Variants in TMEM204 observed in about 807,000 individuals in gnomAD.
TMEM204 encodes claudin-like protein 24.
A neutral mutation model predicts 19.4 loss-of-function variants in TMEM204; 15 were observed. The ratio of observed to expected loss-of-function variants is 0.77; its 90% CI spans 0.52 to 1.19. The LOEUF (loss-of-function observed/expected upper bound fraction) is 1.19. Ranked by LOEUF, TMEM204 falls within the 50% of genes most tolerant of loss-of-function variation. The probability of loss-of-function intolerance (pLI) is 0.00; values close to 1 mark genes in which losing one functional copy is unlikely to be tolerated. For synonymous variants in TMEM204, 161 were observed against 146.0 expected (o/e 1.10, Z -0.74); for missense variants, 287 against 321.2 (o/e 0.89, Z 0.81).
At chr16:1,541,322 C>T (rs2031613809) in intron 1 of TMEM204, 3 of 985,330 alleles carry the variant, frequency 3.0e-6, no homozygotes, top group Non-Finnish European at 3.6e-6. Context: ...CCATGTCTGA[C>T]CCCTGCTCAG....
In TMEM204 at chr16:1,543,118, G is replaced by A. The variant is rs571903172; in HGVS notation, c.436+1042G>A. ...ACTGGGACAGGTCAGCCCGGTGCCC[G>A]CAGAGACAGGGACACAGAGAAAGCG... On this transcript the variant is annotated intron_variant, in intron 2 of 2. Coordinates refer to ENST00000566264, the MANE Select transcript of TMEM204 (RefSeq NM_024600.6). 2.0e-5 allele frequency among the ~76,000 whole-genome samples: 3 copies of A among 152,352 alleles called. No individual in the cohort carries two copies. In the East Asian group the frequency reaches 5.8e-4, roughly 29 times the overall value.
At chr16:1,541,239 G>C in intron 1 of TMEM204, 1 of 985,464 alleles carries the variant, frequency 1.0e-6, no homozygotes, top group Non-Finnish European at 1.2e-6. Context: ...GCCACTGAGT[G>C]AAAGATTTGT....
rs2032590531 is a variant in TMEM204 at position 1,551,012 on chromosome 16, G to A, written c.437-3770G>A. ...CAGGGTAGCGGCATCTACGTGATCT[G>A]GCCAAAGGGCTCTGTCCCTTTGAGG... is the stretch of plus-strand genomic sequence containing the variant. On this transcript the variant is annotated intron_variant, in intron 2 of 2. Coordinates refer to ENST00000566264, the MANE Select transcript of TMEM204 (RefSeq NM_024600.6). This position sits in a 1 kb window ranked among gnomAD's most constrained non-coding sequence, Gnocchi z 4.0. Among the ~76,000 whole-genome samples the A allele has an allele frequency of 6.6e-6, 1 of 152,188 alleles. No homozygotes were observed. The highest frequency in any genetic ancestry group is 1.9e-4 in the East Asian group (1 of 5,184).
At chr16:1,542,158 G>A (rs968758890) in intron 2 of TMEM204, 82 bp downstream of exon 2, 2 of 1,414,010 alleles carry the variant, frequency 1.4e-6, no homozygotes, top group East Asian at 2.6e-5. Context: ...GAGGCCTTGG[G>A]TGGCCTGGGG....
At position 1,534,316 on chromosome 16, in the gene TMEM204, C is replaced by A; in HGVS notation, c.41C>A (p.Ala14Asp). 1 of 1,612,666 alleles carries A rather than the reference C, an allele frequency of 6.2e-7. No individual in the cohort carries two copies. Among genetic ancestry groups the A allele is most frequent in the Non-Finnish European group, 8.5e-7 (1 of 1,179,882 alleles). Reference protein sequence around the residue: ...QRLVAAAVLVALVSLILNNVA... With the variant: ...QRLVAAAVLVDLVSLILNNVA... ...CTCGTGGCCGCGGCCGTGCTGGTGG[C>A]CCTGGTCTCACTCATCCTCAACAAC... Residue 14 changes from alanine to aspartate, a missense_variant, in exon 1 of 3, where the codon GCC becomes GAC. Coordinates refer to ENST00000566264, the MANE Select transcript of TMEM204 (RefSeq NM_024600.6).
At chr16:1,529,487 G>C (rs1381953557), upstream of TMEM204, among the ~76,000 whole-genome samples, 2 of 152,228 alleles carry the variant, frequency 1.3e-5, no homozygotes, top group Non-Finnish European at 2.9e-5. Context: ...TGGGACCCCA[G>C]GGAGGTGCCC....
intron 2 of TMEM204, among the ~76,000 whole-genome samples, chr16:1,548,987 GCCA>G (rs1220708532): frequency 2.6e-5 from 4 of 152,220 alleles, no homozygotes; most frequent in Non-Finnish European, 5.9e-5. Flanking sequence ...TAGGATCTGG[GCCA>G]CCGTCCTCCG....
intron 2 of TMEM204, among the ~76,000 whole-genome samples, chr16:1,548,909 G>GTAAAACCTTCC (rs2032402792): frequency 1.3e-5 from 2 of 152,212 alleles, no homozygotes; most frequent in African/African-American, 4.8e-5. Flanking sequence ...ACTGCTGACA[G>GTAAAACCTTCC]GTGGAACACA....
intron 2 of TMEM204, among the ~76,000 whole-genome samples, chr16:1,552,710 G>A (rs1167122362): frequency 2.0e-5 from 3 of 149,380 alleles, no homozygotes; most frequent in Non-Finnish European, 4.4e-5. Context: ...GTGCAGTGGC[G>A]TGATCTCGGC....
chr16:1,554,023 C>A (rs1159482210), intron 2 of TMEM204: 5 of 1,287,234 alleles, frequency 3.9e-6, no homozygotes, highest in Middle Eastern at 3.3e-4. Flanking sequence ...CCCACCTCTC[C>A]TTCTCTGGTT....
At chr16:1,528,997 C>T (rs1018937054), upstream of TMEM204, among the ~76,000 whole-genome samples, 2 of 152,134 alleles carry the variant, frequency 1.3e-5, no homozygotes, top group African/African-American at 4.8e-5. Context: ...ATGGTAGCCC[C>T]GGGCAGGCTC....
At position 1,555,062 on chromosome 16, in the gene TMEM204, C is replaced by T; in HGVS notation, c.*36C>T. 1 of 1,579,464 alleles carries T rather than the reference C, an allele frequency of 6.3e-7. No individual in the cohort carries two copies. Among genetic ancestry groups the T allele is most frequent in the Admixed American group, 1.7e-5 (1 of 58,492 alleles). ...TCAGCGCTCCATCAACGCACACCTGCTATCGTGGAACAGCCTAGAAACCAA... is the reference window on the plus strand; with the variant it reads ...TCAGCGCTCCATCAACGCACACCTGTTATCGTGGAACAGCCTAGAAACCAA... On this transcript the variant is annotated 3_prime_UTR_variant, in exon 3 of 3. Coordinates refer to ENST00000566264, the MANE Select transcript of TMEM204 (RefSeq NM_024600.6).
At chr16:1,539,866 C>A (rs1793696724) in intron 1 of TMEM204, among the ~76,000 whole-genome samples, 1 of 152,356 alleles carries the variant, frequency 6.6e-6, no homozygotes, top group African/African-American at 2.4e-5. Flanking sequence ...CCCGGGGACC[C>A]CGTGCCCCAG....
chr16:1,535,714 T>A (rs986918992), intron 1 of TMEM204, among the ~76,000 whole-genome samples: 1 of 152,172 alleles, frequency 6.6e-6, no homozygotes, highest in African/African-American at 2.4e-5. Context: ...TTGGACAAGG[T>A]CCCACGAGGG....
In TMEM204 at chr16:1,553,952, A is replaced by C; in HGVS notation, c.437-830A>C. On this transcript the variant is annotated intron_variant, in intron 2 of 2. Transcript: ENST00000566264. This position sits in a 1 kb window ranked among gnomAD's most constrained non-coding sequence, Gnocchi z 4.4. The stretch of plus-strand genomic sequence containing the variant: ...CCTCAAAGATAAAACTGTAAGTGAA[A>C]CTGTAGCATCAGCGACTAACTAGAC... 1 of 1,286,920 alleles carries C rather than the reference A, an allele frequency of 7.8e-7. No homozygotes were observed. The highest frequency in any genetic ancestry group is 2.3e-5 in the Admixed American group (1 of 43,532). The allele number at this position is 1,286,920 out of a possible 1,614,324, so 79.7% of individuals were successfully genotyped here.
rs571759796 is a variant in TMEM204, at chr16:1,550,925, C to T, written c.437-3857C>T. ...AACAGGCCTGTTGAGTACAGGGCCACGTAGCCGATGCCAGTGGGTCCTTGG... is the reference window on the plus strand; with the variant it reads ...AACAGGCCTGTTGAGTACAGGGCCATGTAGCCGATGCCAGTGGGTCCTTGG... On this transcript the variant is annotated intron_variant, in intron 2 of 2. Coordinates refer to ENST00000566264, the MANE Select transcript of TMEM204 (RefSeq NM_024600.6). Among the ~76,000 whole-genome samples the T allele has an allele frequency of 3.9e-5, 6 of 152,312 alleles. No individual in the cohort carries two copies. In the South Asian group the frequency reaches 8.3e-4, roughly 21 times the overall value.
intron 1 of TMEM204, chr16:1,541,421 G>A (rs2031622410): frequency 4.1e-6 from 4 of 985,414 alleles, no homozygotes; most frequent in South Asian, 9.4e-5. Context: ...ACCACCATGA[G>A]CCGCTTGGGG....
At chr16:1,540,760 T>C in intron 1 of TMEM204, 5 of 892,176 alleles carry the variant, frequency 5.6e-6, no homozygotes, top group Non-Finnish European at 6.7e-6. Flanking sequence ...TCAAGGCAAG[T>C]CATTTAAAAA....
At chr16:1,548,389 GA>G (rs2032350905) in intron 2 of TMEM204, among the ~76,000 whole-genome samples, 2 of 152,220 alleles carry the variant, frequency 1.3e-5, no homozygotes, top group Admixed American at 1.3e-4. Flanking sequence ...CCGCAGGAAG[GA>G]AAGGAGAGGG....
Sources: allele counts gnomAD v4.1 joint callset (sites outside exome capture counted in the v4.1 genomes callset), GRCh38; gene constraint gnomAD v4.1.1; non-coding constraint Gnocchi (gnomAD v3.1); transcripts MANE v1.5; gene names NCBI Gene and HGNC (gene_info 2026-07-23, HGNC 2026-07-21).